Variants in LIMS1 observed in about 807,000 individuals in gnomAD.
The protein encoded by LIMS1 is LIM and senescent cell antigen-like-containing domain protein 1.
LIMS1 carries 18 observed loss-of-function variants against 44.1 expected under a neutral mutation model. The observed-to-expected ratio is 0.41, with a 90% confidence interval of 0.28 to 0.61. LIMS1 has a LOEUF of 0.61. Ranked by LOEUF, LIMS1 falls within the 20% of genes least tolerant of loss-of-function variation. LIMS1 has a pLI of 0.32. For synonymous variants in LIMS1, 93 were observed against 149.1 expected (o/e 0.62, Z 2.74); for missense variants, 201 against 422.0 (o/e 0.48, Z 4.59).
intron 1 of LIMS1, among the ~76,000 whole-genome samples, chr2:108,567,690 G>C (rs1373924647): frequency 6.6e-6 from 1 of 152,120 alleles, no homozygotes; most frequent in Non-Finnish European, 1.5e-5. Flanking sequence ...TCCTGCTTCA[G>C]CCTCCCAAGT....
chr2:108,565,289 A>G lies in LIMS1; in HGVS notation c.32+30695A>G, dbSNP rs192001778. On this transcript the variant is annotated intron_variant, in intron 1 of 9. Coordinates refer to ENST00000544547, the Ensembl canonical transcript of LIMS1. ...AGATGATACAATTTCTGGGAAGTTT[A>G]TTACAGTGGCTACTGTAAAATTTGG... Among the ~76,000 whole-genome samples the G allele has an allele frequency of 4.9e-3, 746 of 152,320 alleles. 4 individuals carry two copies. The highest frequency in any genetic ancestry group is 7.7e-3 in the Admixed American group (117 of 15,294).
chr2:108,624,658 G>A (rs940960369), intron 1 of LIMS1, among the ~76,000 whole-genome samples: 33 of 152,344 alleles, frequency 2.2e-4, no homozygotes, highest in African/African-American at 7.9e-4. Flanking sequence ...TGTGGAGGCT[G>A]AGGCAGGAGA....
At chr2:108,606,034 G>C (rs1687252968) in intron 1 of LIMS1, among the ~76,000 whole-genome samples, 1 of 152,252 alleles carries the variant, frequency 6.6e-6, no homozygotes, top group Admixed American at 6.5e-5. Context: ...CCTGCTGCCA[G>C]CTCTGCCCCC....
chr2:108,673,340 C>G (rs1452002249), intron 5 of LIMS1: 1 of 428,418 alleles, frequency 2.3e-6, no homozygotes, highest in African/African-American at 2.0e-5. Flanking sequence ...GTATGCGTCT[C>G]CTGAGAATAA....
chr2:108,603,100 T>A (rs1687096592), intron 1 of LIMS1, among the ~76,000 whole-genome samples: 1 of 152,216 alleles, frequency 6.6e-6, no homozygotes, highest in Non-Finnish European at 1.5e-5. Flanking sequence ...TTTCTTTTTT[T>A]CGATGTGTCT....
chr2:108,667,547 A>ATAT lies in LIMS1; in HGVS notation c.193-3234_193-3233insTAT, dbSNP rs1248370235. 1.3e-3 allele frequency among the ~76,000 whole-genome samples: 94 copies of ATAT among 72,484 alleles called. 1 individual carries two copies. The highest frequency in any genetic ancestry group is 7.1e-3 in the Middle Eastern group (1 of 140). 47.6% of individuals were successfully genotyped at this position (72,484 alleles called of 152,430 possible). ...TATTTTCAACCTTTTTTAAAAAAAA[A>ATAT]AAAAATATATATATATATATATACT... On this transcript the variant is annotated intron_variant, in intron 2 of 9. Coordinates refer to ENST00000544547, the Ensembl canonical transcript of LIMS1.
At chr2:108,647,516 G>T (rs1360446471) in intron 1 of LIMS1, among the ~76,000 whole-genome samples, 3 of 152,116 alleles carry the variant, frequency 2.0e-5, no homozygotes. Context: ...AACAAAAAAA[G>T]AAAATTTCAG....
At chr2:108,620,524 C>T (rs1365684126) in intron 1 of LIMS1, among the ~76,000 whole-genome samples, 15 of 152,152 alleles carry the variant, frequency 9.9e-5, no homozygotes, top group Non-Finnish European at 2.2e-4. Context: ...CTCTGTTGTA[C>T]ACATCCCCAC....
intron 1 of LIMS1, among the ~76,000 whole-genome samples, chr2:108,559,744 G>A (rs1418137176): frequency 6.6e-6 from 1 of 152,228 alleles, no homozygotes; most frequent in African/African-American, 2.4e-5. Context: ...TGTGTGGCGT[G>A]TGTAGGTATG....
intron 1 of LIMS1, among the ~76,000 whole-genome samples, chr2:108,623,949 G>A (rs576257853): frequency 9.2e-5 from 14 of 152,366 alleles, no homozygotes; most frequent in Non-Finnish European, 1.5e-4. Flanking sequence ...TAGTTCCGGC[G>A]TCAAACTTGA....
intron 1 of LIMS1, among the ~76,000 whole-genome samples, chr2:108,617,852 G>A (rs1205519991): frequency 6.6e-6 from 1 of 152,176 alleles, no homozygotes; most frequent in Non-Finnish European, 1.5e-5. Context: ...TGGGATGGGG[G>A]TGTGAGATCT....
At chr2:108,648,195 T>C (rs564673950) in intron 1 of LIMS1, among the ~76,000 whole-genome samples, 61 of 152,292 alleles carry the variant, frequency 4.0e-4, no homozygotes, top group Non-Finnish European at 1.3e-4. Flanking sequence ...AGCCAAATCA[T>C]GAGTAAACTC....
chr2:108,611,836 AAT>A (rs138970063), intron 1 of LIMS1, among the ~76,000 whole-genome samples: 5,021 of 130,926 alleles, frequency 0.038, 233 homozygotes, highest in African/African-American at 0.11. Flanking sequence ...CATGATCTAA[AAT>A]ATATATATAT....
chr2:108,680,664 A>G, intron 8 of LIMS1, 31 bp from the exon 9 acceptor site: 2 of 1,607,410 alleles, frequency 1.2e-6, no homozygotes, highest in South Asian at 1.1e-5. Context: ...ATGTATTTCC[A>G]TGTGACCAGA....
chr2:108,549,275 G>GTTTTTTTTTTTTTT (rs1558782542), intron 1 of LIMS1, among the ~76,000 whole-genome samples: 1 of 86,494 alleles, frequency 1.2e-5, no homozygotes. Flanking sequence ...CAAGTAAAGT[G>GTTTTTTTTTTTTTT]TTTCTTTTTT....
exon 10 of LIMS1, chr2:108,685,694 T>C (rs1693262686): frequency 6.6e-6 from 1 of 152,240 alleles, no homozygotes; most frequent in South Asian, 2.1e-4. Flanking sequence ...TTTAAAACAA[T>C]CTTTGCATTT....
intron 1 of LIMS1, among the ~76,000 whole-genome samples, chr2:108,549,918 G>A (rs574450053): frequency 1.7e-4 from 26 of 152,250 alleles, no homozygotes; most frequent in African/African-American, 4.6e-4. Context: ...ATCTAAGAAC[G>A]TGTGGAGAAA....
chr2:108,603,253 C>T (rs1365510345), intron 1 of LIMS1, among the ~76,000 whole-genome samples: 9 of 152,086 alleles, frequency 5.9e-5, no homozygotes, highest in Admixed American at 3.3e-4. Context: ...GCAGTGAAGC[C>T]GTCAGGTCCT....
intron 1 of LIMS1, among the ~76,000 whole-genome samples, chr2:108,635,156 C>G (rs1425611340): frequency 2.0e-5 from 3 of 152,088 alleles, no homozygotes; most frequent in Non-Finnish European, 4.4e-5. Context: ...TGTGGCTGGG[C>G]GCGGTGACTC....
Sources: gnomAD v4.1 joint callset for allele counts (sites outside exome capture counted in the v4.1 genomes callset) on GRCh38, gnomAD v4.1.1 for gene constraint, MANE v1.5 for transcripts, NCBI Gene and HGNC (gene_info 2026-07-23, HGNC 2026-07-21) for gene names.